Variants in AGRN observed in about 807,000 individuals in gnomAD.
AGRN encodes the protein agrin proteoglycan.
AGRN carries 106 observed loss-of-function variants against 211.0 expected under a neutral mutation model. The observed-to-expected ratio is 0.50, with a 90% CI of 0.43 to 0.59. AGRN has a LOEUF of 0.59. Among genes scored for constraint, AGRN ranks in the 20% least tolerant of loss-of-function variants. The pLI is 0.00. For missense variants in AGRN, 3,040 were observed against 2,982.6 expected (o/e 1.02, Z -0.45); for synonymous variants, 1,525 against 1,332.5 (o/e 1.14, Z -3.15).
chr1:1,054,479 A>G lies in AGRN; in HGVS notation c.5908A>G (p.Asn1970Asp), dbSNP rs1473312060. 1 of 1,600,644 alleles carries G rather than the reference A, an allele frequency of 6.2e-7. No homozygotes were observed. Among genetic ancestry groups the G allele is most frequent in the Non-Finnish European group, 8.5e-7 (1 of 1,174,226 alleles). The change falls in exon 35 of 36, where the codon AAT becomes GAT. Residue 1970 changes from asparagine to aspartate, a missense_variant. Transcript: ENST00000379370. ...GAGGGAAGGTTCCCTGCAGGTGGGCAATGAGGCCCCTGTGACCGGCTCCTC... is the reference window on the plus strand; with the variant it reads ...GAGGGAAGGTTCCCTGCAGGTGGGCGATGAGGCCCCTGTGACCGGCTCCTC... Reference protein sequence around the residue: ...EQREGSLQVGNEAPVTGSSPL... With the variant: ...EQREGSLQVGDEAPVTGSSPL...
Position 1,043,898 on chromosome 1 carries a change from A to G in AGRN, c.1874A>G (p.His625Arg). 6.2e-7 allele frequency: 1 copy of G among 1,601,394 alleles called. No homozygotes were observed. Among genetic ancestry groups the G allele is most frequent in the Non-Finnish European group, 8.5e-7 (1 of 1,176,606 alleles). The change falls in exon 10 of 36, where the codon CAC becomes CGC. Residue 625 changes from histidine to arginine, a missense_variant. Transcript: ENST00000379370. ...AGQCVCPRCE[H>R]PPPGPVCGSD... is the part of the protein sequence containing the mutation. Reference sequence around the variant, plus strand: ...CAGTGTGTGTGTCCCCGGTGTGAGCACCCCCCGCCCGGCCCCGTGTGTGGC... The same window carrying G: ...CAGTGTGTGTGTCCCCGGTGTGAGCGCCCCCCGCCCGGCCCCGTGTGTGGC...
At chr1:1,036,349 C>A (rs1644805078) in intron 3 of AGRN, among the ~76,000 whole-genome samples, 1 of 152,056 alleles carries the variant, frequency 6.6e-6, no homozygotes, top group Non-Finnish European at 1.5e-5. Flanking sequence ...GCTCAGTGGT[C>A]TGAAAGATAG....
intron 33 of AGRN, 165 bp downstream of exon 33, chr1:1,051,980 C>T: frequency 6.5e-7 from 1 of 1,545,744 alleles, no homozygotes. Context: ...CTGTCTGTCT[C>T]TTTGTTTCCA....
At position 1,042,134 on chromosome 1, in the gene AGRN, C is replaced by T; in HGVS notation, c.1356C>T (p.Ala452=). 1.3e-6 allele frequency: 2 copies of T among 1,599,532 alleles called. No individual in the cohort carries two copies. Among genetic ancestry groups the T allele is most frequent in the Non-Finnish European group, 1.7e-6 (2 of 1,177,764 alleles). The change falls in exon 7 of 36, where the codon GCC becomes GCT. Residue 452 remains alanine (A), a synonymous_variant. Coordinates refer to ENST00000379370, the MANE Select transcript of AGRN (RefSeq NM_198576.4). ...AGGCTGAGTGCCGGCAGCAGCGTGC[C>T]ATCCCCAGCAAGCACCAGGGCCCGT... is the stretch of plus-strand genomic sequence containing the variant. ...RQQAECRQQR[A]IPSKHQGPCD... is the part of the protein sequence containing the mutation.
Position 1,046,131 on chromosome 1 carries a change from G to A in AGRN, c.2806-29G>A, listed in dbSNP as rs1219677732. 5.0e-6 allele frequency: 8 copies of A among 1,613,792 alleles called. No homozygotes were observed. In the African/African-American group the frequency reaches 5.3e-5, roughly 11 times the overall value. ...TGAAGGGGAGTGGGGAGGAGGCCTCGCCTTGAACATCCTTGTTCTCTGCCC... is the reference window on the plus strand; with the variant it reads ...TGAAGGGGAGTGGGGAGGAGGCCTCACCTTGAACATCCTTGTTCTCTGCCC... On this transcript the variant is annotated intron_variant, in intron 16 of 35. Coordinates refer to ENST00000379370, the MANE Select transcript of AGRN (RefSeq NM_198576.4).
Position 1,046,906 on chromosome 1 carries a change from T to G in AGRN, c.3337T>G (p.Cys1113Gly). 1 of 1,583,022 alleles carries G rather than the reference T, an allele frequency of 6.3e-7. No individual in the cohort carries two copies. Among genetic ancestry groups the G allele is most frequent in the African/African-American group, 1.3e-5 (1 of 74,782 alleles). ...CTGCTACAACTCCGCGTTGGGCTGC[T>G]GCTCTGATGGGAAGACGCCCTCGCT... ...ASCYNSALGCCSDGKTPSLDA... is the reference protein window; with the variant it reads ...ASCYNSALGCGSDGKTPSLDA... Residue 1113 changes from cysteine (C) to glycine (G), a missense_variant, in exon 19 of 36, where the codon TGC becomes GGC. Transcript: ENST00000379370.
rs1292494843 is a variant in AGRN, at chr1:1,046,589, T to C, written c.3104T>C (p.Val1035Ala). 3 of 1,606,912 alleles carry C rather than the reference T, an allele frequency of 1.9e-6. No individual in the cohort carries two copies. Among genetic ancestry groups the C allele is most frequent in the Non-Finnish European group, 2.5e-6 (3 of 1,179,590 alleles). Residue 1035 changes from valine (V) to alanine (A), a missense_variant, in exon 18 of 36, where the codon GTG becomes GCG. Around this residue, in one of 3 missense-constraint regions of AGRN, gnomAD observed 1,537 missense variants for 1,505.0 expected, o/e 1.02. Coordinates refer to ENST00000379370, the MANE Select transcript of AGRN (RefSeq NM_198576.4). ...RTTASVPRTT[V>A]WPVLTVPPTA... ...ACTGCCAGCGTCCCCAGGACCACCG[T>C]GTGGCCCGTGCTGACGGTGCCCCCC...
intron 33 of AGRN, 48 bp downstream of exon 33, chr1:1,051,863 G>T (rs774293268): frequency 1.9e-6 from 3 of 1,609,136 alleles, no homozygotes; most frequent in Non-Finnish European, 2.5e-6. Flanking sequence ...GTGCCCTCGG[G>T]GCGGGACACC....
At chr1:1,052,093 G>T in intron 33 of AGRN, 2 of 1,425,160 alleles carry the variant, frequency 1.4e-6, no homozygotes, top group Non-Finnish European at 1.9e-6. Context: ...AGAGTCCGGA[G>T]CCCCCGGGGA....
chr1:1,052,009 A>G, intron 33 of AGRN, 194 bp downstream of exon 33: 1 of 1,536,476 alleles, frequency 6.5e-7, no homozygotes, highest in Non-Finnish European at 8.8e-7. Flanking sequence ...GGCCAATGAG[A>G]TCCCCGTGTG....
At chr1:1,039,121 C>A (rs1462205285) in intron 3 of AGRN, among the ~76,000 whole-genome samples, 2 of 152,214 alleles carry the variant, frequency 1.3e-5, no homozygotes, top group East Asian at 3.8e-4. Context: ...CAGGTGATAA[C>A]CTGCCCACAT....
At chr1:1,039,753 T>A (rs3121579) in intron 3 of AGRN, among the ~76,000 whole-genome samples, 133,931 of 151,938 alleles carry the variant, frequency 0.88, 59,565 homozygotes, top group East Asian at 1. Context: ...AGAAGGAAGT[T>A]CGCTTTGACA....
chr1:1,039,687 C>T (rs1557698507), intron 3 of AGRN, among the ~76,000 whole-genome samples: 1 of 152,004 alleles, frequency 6.6e-6, no homozygotes, highest in African/African-American at 2.4e-5. Context: ...GTGTGTCAGG[C>T]GCTGTGGTCT....
Position 1,048,465 on chromosome 1 carries a change from G to A in AGRN, c.4105+100G>A. 2 of 1,051,890 alleles carry A rather than the reference G, an allele frequency of 1.9e-6. No individual in the cohort carries two copies. The highest frequency in any genetic ancestry group is 2.7e-6 in the Non-Finnish European group (2 of 754,682). 65.2% of individuals were successfully genotyped at this position (1,051,890 alleles called of 1,614,324 possible). ...CCATCAGGCTTTGAGTTGGGGGCAG[G>A]AGCCCGGATTAAGGCGGGGTTTCGG... On this transcript the variant is annotated intron_variant, in intron 23 of 35. Transcript: ENST00000379370. The surrounding 1 kb of genome is among the most constrained non-coding windows in gnomAD (Gnocchi z 5.9).
In AGRN at chr1:1,055,204, C is replaced by G. The variant is rs1053454056; in HGVS notation, c.*223C>G. 2 of 696,832 alleles carry G rather than the reference C, an allele frequency of 2.9e-6. No individual in the cohort carries two copies. Among genetic ancestry groups the G allele is most frequent in the Non-Finnish European group, 4.8e-6 (2 of 414,034 alleles). 43.2% of individuals were successfully genotyped at this position (696,832 alleles called of 1,614,324 possible). ...TGGATGGCAGCCTCAGGACACACAC[C>G]CCTGCCTCAAGGTGCTGAGCCCCCG... is the stretch of plus-strand genomic sequence containing the variant. On this transcript the variant is annotated 3_prime_UTR_variant, in exon 36 of 36. Transcript: ENST00000379370.
At position 1,043,725 on chromosome 1, in the gene AGRN, A is replaced by G; in HGVS notation, c.1791A>G (p.Gly597=). 1 of 1,601,024 alleles carries G rather than the reference A, an allele frequency of 6.2e-7. No individual in the cohort carries two copies. The highest frequency in any genetic ancestry group is 8.5e-7 in the Non-Finnish European group (1 of 1,179,732). The part of the protein sequence containing the change: ...HQISLHVASA[G]PCETCGDAVC... ...TCAGCCTGCACGTGGCCTCAGCTGG[A>G]CCCTGTGGTGAGTGAGGCCCTGGGG... The change falls in exon 9 of 36, where the codon GGA becomes GGG. Residue 597 remains glycine, a synonymous_variant. Coordinates refer to ENST00000379370, the MANE Select transcript of AGRN (RefSeq NM_198576.4).
At chr1:1,030,510 G>A (rs1297250361) in intron 2 of AGRN, among the ~76,000 whole-genome samples, 2 of 101,754 alleles carry the variant, frequency 2.0e-5, no homozygotes, top group African/African-American at 7.2e-5. Flanking sequence ...TGTGTGCAGC[G>A]CATGGTGCTG....
rs574520853 is a variant in AGRN at position 1,024,556 on chromosome 1, C to T, written c.463+2094C>T. Among the ~76,000 whole-genome samples, 9 of 152,186 alleles carry T rather than the reference C, an allele frequency of 5.9e-5. No individual in the cohort carries two copies. The East Asian group carries it at 1.6e-3, about 26-fold the overall frequency. On this transcript the variant is annotated intron_variant, in intron 2 of 35. Coordinates refer to ENST00000379370, the MANE Select transcript of AGRN (RefSeq NM_198576.4). ...CACAGGGTCCCACCTTGTATGGGAA[C>T]CCCATCCTGGAGACAAAGGCCCCTC...
intron 33 of AGRN, chr1:1,052,365 A>G (rs930866669): frequency 5.9e-6 from 2 of 339,906 alleles, no homozygotes; most frequent in Non-Finnish European, 1.2e-5. Context: ...GTGTGTGAAT[A>G]TCCAGCTGTG....
Sources: allele counts gnomAD v4.1 joint callset (sites outside exome capture counted in the v4.1 genomes callset), GRCh38; gene constraint gnomAD v4.1.1; regional missense constraint gnomAD v4.1.1; non-coding constraint Gnocchi (gnomAD v3.1); transcripts MANE v1.5; gene names NCBI Gene and HGNC (gene_info 2026-07-23, HGNC 2026-07-21).